RUNX1: variants seen among roughly 807,000 people sequenced by gnomAD.
The protein encoded by RUNX1 is RUNX family transcription factor 1.
Under a neutral mutation model 42.8 loss-of-function variants are expected in RUNX1, and 19 were observed. The ratio of observed to expected loss-of-function variants is 0.44; its 90% CI spans 0.31 to 0.65. The LOEUF (loss-of-function observed/expected upper bound fraction) is 0.65, where lower values mean the gene tolerates loss of function less well. RUNX1 is among the 30% of genes least tolerant of loss of function. The pLI is 0.07. For missense variants in RUNX1, 528 were observed against 672.0 expected (o/e 0.79, Z 2.37); for synonymous variants, 271 against 289.4 (o/e 0.94, Z 0.64).
chr21:35,001,832 T>C (rs1380461928), intron 2 of RUNX1, among the ~76,000 whole-genome samples: 1 of 152,218 alleles, frequency 6.6e-6, no homozygotes. Flanking sequence ...AGAGCAGTTG[T>C]GTTTCTACAT....
At chr21:34,883,295 A>G (rs928254377) in intron 4 of RUNX1, among the ~76,000 whole-genome samples, 2 of 152,112 alleles carry the variant, frequency 1.3e-5, no homozygotes, top group African/African-American at 4.8e-5. Flanking sequence ...CCTACATATC[A>G]TTCACTTGGC....
intron 2 of RUNX1, among the ~76,000 whole-genome samples, chr21:35,039,386 CT>C (rs1365823264): frequency 6.6e-6 from 1 of 152,162 alleles, no homozygotes; most frequent in Non-Finnish European, 1.5e-5. Flanking sequence ...CTAAAAATCA[CT>C]CCAGCCAAAT....
chr21:34,817,210 G>A (rs949017279), intron 7 of RUNX1, among the ~76,000 whole-genome samples: 4 of 152,184 alleles, frequency 2.6e-5, no homozygotes, highest in Admixed American at 6.5e-5. Flanking sequence ...GTAGCCAGAA[G>A]TCCAGGTTGC....
intron 3 of RUNX1, chr21:34,888,496 G>A: frequency 9.4e-7 from 1 of 1,066,110 alleles, no homozygotes; most frequent in Middle Eastern, 4.2e-4. Flanking sequence ...AAGGAAGAAA[G>A]GGGAAAAACA....
At chr21:34,940,599 T>C (rs879255998) in intron 2 of RUNX1, among the ~76,000 whole-genome samples, 1 of 152,224 alleles carries the variant, frequency 6.6e-6, no homozygotes, top group Admixed American at 6.5e-5. Context: ...ATGTGCTTTA[T>C]GCCCTAAGTC....
At chr21:35,036,622 AT>A (rs147011225) in intron 2 of RUNX1, among the ~76,000 whole-genome samples, 18,530 of 152,244 alleles carry the variant, frequency 0.12, 1,204 homozygotes, top group Middle Eastern at 0.19. Flanking sequence ...AATTATCATG[AT>A]GTCAGAGGAC....
In RUNX1 at chr21:34,874,610, C is replaced by CAAAAAAA. The variant is rs59950735; in HGVS notation, c.508+5940_508+5946dup. On this transcript the variant is annotated intron_variant, in intron 5 of 8. Transcript: ENST00000675419. ...AGGCAACAAGAGGGAAACTCTGTCT[C>CAAAAAAA]AAAAAAAAAAAAAAAAAAAAAAAAA... Among the ~76,000 whole-genome samples, 150 of 25,284 alleles carry CAAAAAAA rather than the reference C, an allele frequency of 5.9e-3. 32 individuals carry two copies. Among genetic ancestry groups the CAAAAAAA allele is most frequent in the African/African-American group, 0.02 (86 of 4,366 alleles). The allele number at this position is 25,284 out of a possible 152,430, so 16.6% of individuals were successfully genotyped here.
chr21:34,887,003 C>G lies in RUNX1; in HGVS notation c.191G>C (p.Gly64Ala). The G allele has an allele frequency of 6.2e-7, 1 of 1,603,850 alleles. No homozygotes were observed. The highest frequency in any genetic ancestry group is 1.7e-4 in the Middle Eastern group (1 of 6,042). The change falls in exon 4 of 9, where the codon GGC becomes GCC. Residue 64 changes from glycine to alanine, a missense_variant. Gly to Ala is a moderately conservative substitution (Grantham distance 60). Transcript: ENST00000675419. ...CCTCAGCTTGCCGGCCAGGGCAGCG[C>G]CGGCGTCCGGGGCGCCCAGCGGCAA... The part of the protein sequence containing the change: ...EALPLGAPDA[G>A]AALAGKLRSG...
chr21:34,858,313 A>G (rs968757396), intron 6 of RUNX1, among the ~76,000 whole-genome samples: 8 of 152,208 alleles, frequency 5.3e-5, no homozygotes, highest in Non-Finnish European at 8.8e-5. Context: ...AGGGAAGGTC[A>G]TCTAGAGGGG....
chr21:34,802,974 C>G (rs975923364), intron 7 of RUNX1, among the ~76,000 whole-genome samples: 9 of 152,160 alleles, frequency 5.9e-5, no homozygotes, highest in Non-Finnish European at 1.2e-4. Flanking sequence ...GTCTGAATAA[C>G]CTTTATGATT....
intron 2 of RUNX1, among the ~76,000 whole-genome samples, chr21:34,985,722 T>C (rs1238394028): frequency 1.3e-5 from 2 of 152,122 alleles, no homozygotes; most frequent in Non-Finnish European, 2.9e-5. Flanking sequence ...ACACCTATTT[T>C]ATTCACTCAT....
At chr21:34,916,338 A>G (rs1340895816) in intron 2 of RUNX1, among the ~76,000 whole-genome samples, 1 of 152,238 alleles carries the variant, frequency 6.6e-6, no homozygotes, top group East Asian at 1.9e-4. Flanking sequence ...CCCATGTTCA[A>G]CGAACATAAT....
chr21:34,840,320 T>C (rs1261759252), intron 6 of RUNX1, among the ~76,000 whole-genome samples: 1 of 152,210 alleles, frequency 6.6e-6, no homozygotes, highest in Non-Finnish European at 1.5e-5. Flanking sequence ...AGAAACAACA[T>C]GGTCCCAGGG....
intron 2 of RUNX1, among the ~76,000 whole-genome samples, chr21:34,952,942 C>T (rs150874167): frequency 1.4e-4 from 21 of 152,302 alleles, no homozygotes; most frequent in South Asian, 2.1e-4. Context: ...GGCATCTAAT[C>T]GCAAGGCTTG....
intron 6 of RUNX1, among the ~76,000 whole-genome samples, chr21:34,846,191 T>C (rs1037433792): frequency 2.8e-4 from 40 of 142,554 alleles, no homozygotes; most frequent in Admixed American, 1.8e-3. Context: ...GGTTTAAGGA[T>C]GTCTTTTTTT....
chr21:34,889,713 C>T, intron 3 of RUNX1: 1 of 1,187,602 alleles, frequency 8.4e-7, no homozygotes, highest in Non-Finnish European at 1.1e-6. Flanking sequence ...TCCCCCTGCG[C>T]CGGTCCCCGC....
At chr21:34,889,346 T>C (rs1398818069) in intron 3 of RUNX1, among the ~76,000 whole-genome samples, 9 of 152,136 alleles carry the variant, frequency 5.9e-5, no homozygotes. Context: ...GCGTGCCGTT[T>C]GCTCTCAGCG....
intron 6 of RUNX1, among the ~76,000 whole-genome samples, chr21:34,836,020 T>A (rs2057140902): frequency 6.6e-6 from 1 of 152,254 alleles, no homozygotes; most frequent in South Asian, 2.1e-4. Flanking sequence ...TGACATTGTC[T>A]CAAATTCCAG....
intron 2 of RUNX1, among the ~76,000 whole-genome samples, chr21:34,975,530 C>T (rs1569133491): frequency 6.6e-6 from 1 of 152,168 alleles, no homozygotes; most frequent in Non-Finnish European, 1.5e-5. Context: ...AGAAAAGAGA[C>T]TTGAGCATCT....
Sources: gnomAD v4.1 joint callset for allele counts (sites outside exome capture counted in the v4.1 genomes callset) on GRCh38, gnomAD v4.1.1 for gene constraint, MANE v1.5 for transcripts, NCBI Gene and HGNC (gene_info 2026-07-23, HGNC 2026-07-21) for gene names.